Variants in ESR1 observed in about 807,000 individuals in gnomAD.
ESR1 encodes the protein estrogen receptor.
A neutral mutation model predicts 52.7 loss-of-function variants in ESR1; 12 were observed. The observed-to-expected ratio is 0.23, with a 90% CI of 0.15 to 0.37. The LOEUF is 0.37. Ranked by LOEUF, ESR1 falls within the 10% of genes least tolerant of loss-of-function variation. ESR1 has a pLI of 1.00. For synonymous variants in ESR1, 305 were observed against 316.8 expected (o/e 0.96, Z 0.39); for missense variants, 584 against 779.7 (o/e 0.75, Z 2.99).
At chr6:151,769,895 G>A (rs1278760803) in intron 2 of ESR1, among the ~76,000 whole-genome samples, 1 of 152,142 alleles carries the variant, frequency 6.6e-6, no homozygotes, top group African/African-American at 2.4e-5. Context: ...AGGCATGGTG[G>A]CACGCGTCTG....
chr6:151,891,229 T>C (rs1026715932), intron 3 of ESR1, among the ~76,000 whole-genome samples: 2 of 152,240 alleles, frequency 1.3e-5, no homozygotes, highest in African/African-American at 4.8e-5. Context: ...TTTATGTACC[T>C]TTTCAGGAAT....
Position 152,125,266 on chromosome 6 carries a change from G to C in ESR1, c.851G>C (p.Gly284Ala), listed in dbSNP as rs767099068. The change falls in exon 7 of 7, where the codon GGT becomes GCT. Residue 284 changes from glycine to alanine, a missense_variant and splice_region_variant. By Grantham distance (60) the Gly-to-Ala change is moderately conservative (BLOSUM62 0). Coordinates refer to the ESR1 transcript ENST00000427531. The stretch of plus-strand genomic sequence containing the variant: ...AATTCAGGTCGTATTCATTTCACAG[G>C]TATCTCACATGTAGAAGCAAAGAAG... The C allele has an allele frequency of 2.6e-4, 409 of 1,550,078 alleles. No individual in the cohort carries two copies. The highest frequency in any genetic ancestry group is 3.3e-4 in the Non-Finnish European group (375 of 1,146,788).
chr6:151,716,907 G>T (rs1347438477), intron 2 of ESR1, among the ~76,000 whole-genome samples: 3 of 152,176 alleles, frequency 2.0e-5, no homozygotes, highest in Admixed American at 6.5e-5. Flanking sequence ...TAGCTAGTTC[G>T]GTGTCTGACC....
chr6:151,938,155 C>T (rs1754989769), intron 3 of ESR1, among the ~76,000 whole-genome samples: 1 of 152,096 alleles, frequency 6.6e-6, no homozygotes, highest in Non-Finnish European at 1.5e-5. Flanking sequence ...TCTAATAATA[C>T]ATGAACGTAG....
At chr6:152,110,861 T>C (rs2051124276) in intron 6 of ESR1, among the ~76,000 whole-genome samples, 2 of 152,112 alleles carry the variant, frequency 1.3e-5, no homozygotes, top group Non-Finnish European at 2.9e-5. Flanking sequence ...GTTGTCTTTC[T>C]GGTGGGCAGC....
chr6:151,912,689 A>G (rs1311347993), intron 3 of ESR1, among the ~76,000 whole-genome samples: 3 of 152,222 alleles, frequency 2.0e-5, no homozygotes, highest in Non-Finnish European at 4.4e-5. Context: ...AGAGCGGGAG[A>G]ATATCGACCT....
chr6:152,048,149 C>T (rs2982736), intron 5 of ESR1, among the ~76,000 whole-genome samples: 67,202 of 150,984 alleles, frequency 0.45, 17,232 homozygotes, highest in African/African-American at 0.7. Flanking sequence ...GGCAGGTGGA[C>T]CACGAGGTCA....
At chr6:152,015,112 A>G (rs554462914) in intron 5 of ESR1, among the ~76,000 whole-genome samples, 15 of 152,182 alleles carry the variant, frequency 9.9e-5, no homozygotes, top group African/African-American at 3.6e-4. Flanking sequence ...ATCATGAATC[A>G]CTATTACAAG....
intron 2 of ESR1, among the ~76,000 whole-genome samples, chr6:151,748,414 G>T (rs1330433666): frequency 6.6e-6 from 1 of 152,118 alleles, no homozygotes; most frequent in Non-Finnish European, 1.5e-5. Context: ...AGAACAGGTT[G>T]ACCTGCCTCA....
intron 6 of ESR1, among the ~76,000 whole-genome samples, chr6:152,064,739 A>G (rs999002818): frequency 2.6e-5 from 4 of 152,152 alleles, no homozygotes; most frequent in Non-Finnish European, 4.4e-5. Flanking sequence ...CTCACAGTCT[A>G]TTTAGCCTGT....
At chr6:151,982,130 T>C (rs545409470) in intron 4 of ESR1, among the ~76,000 whole-genome samples, 26 of 152,322 alleles carry the variant, frequency 1.7e-4, no homozygotes, top group Admixed American at 1.7e-3. Context: ...GGTGAAGATA[T>C]AAAGATGATT....
intron 4 of ESR1, among the ~76,000 whole-genome samples, chr6:151,995,617 A>G (rs568221777): frequency 2.0e-4 from 30 of 152,308 alleles, no homozygotes; most frequent in African/African-American, 6.7e-4. Flanking sequence ...TTTTCTAGTT[A>G]GACTTTTTTG....
At chr6:151,769,537 T>C (rs1453137723) in intron 2 of ESR1, among the ~76,000 whole-genome samples, 1 of 152,156 alleles carries the variant, frequency 6.6e-6, no homozygotes, top group African/African-American at 2.4e-5. Context: ...GCATTTGTAA[T>C]TGACAGAGTT....
At chr6:151,737,362 T>C (rs948808215) in intron 2 of ESR1, among the ~76,000 whole-genome samples, 1 of 152,194 alleles carries the variant, frequency 6.6e-6, no homozygotes, top group Admixed American at 6.5e-5. Flanking sequence ...AGAAACATTG[T>C]TTCAAGTCCC....
intron 2 of ESR1, among the ~76,000 whole-genome samples, chr6:151,877,680 A>C (rs752988132): frequency 2.6e-5 from 4 of 152,220 alleles, no homozygotes; most frequent in Non-Finnish European, 5.9e-5. Flanking sequence ...GACCCAATTC[A>C]GTTCTCCTGT....
At chr6:151,696,488 A>C (rs1445178671) in intron 1 of ESR1, among the ~76,000 whole-genome samples, 2 of 148,156 alleles carry the variant, frequency 1.3e-5, no homozygotes, top group African/African-American at 5.0e-5. Flanking sequence ...ATAAATAAAT[A>C]AATAAATAAA....
rs182711663 is a variant in ESR1, at chr6:151,874,611, T to G, written c.644-6044T>G. On this transcript the variant is annotated intron_variant, in intron 2 of 7. Transcript: ENST00000206249. ...TATTTGTAGTATCTTAATATTCAAC[T>G]GTTAAGCCAGGAGACGAGTACTCTG... 5.3e-3 allele frequency among the ~76,000 whole-genome samples: 802 copies of G among 152,318 alleles called. 7 individuals carry two copies. Among genetic ancestry groups the G allele is most frequent in the African/African-American group, 0.018 (753 of 41,570 alleles).
intron 2 of ESR1, 60 bp downstream of exon 2, chr6:151,842,847 A>C: frequency 6.9e-7 from 1 of 1,457,794 alleles, no homozygotes; most frequent in Admixed American, 1.7e-5. Context: ...CTAAGAGCCA[A>C]AGCGACTGAG....
chr6:151,720,042 TAAAG>T (rs1401027211), intron 2 of ESR1, among the ~76,000 whole-genome samples: 1 of 152,224 alleles, frequency 6.6e-6, no homozygotes, highest in East Asian at 1.9e-4. Flanking sequence ...TTGATAATAA[TAAAG>T]AAAGGGCAGA....
Sources: gnomAD v4.1 joint callset for allele counts (sites outside exome capture counted in the v4.1 genomes callset) on GRCh38, gnomAD v4.1.1 for gene constraint, MANE v1.5 for transcripts, NCBI Gene and HGNC (gene_info 2026-07-23, HGNC 2026-07-21) for gene names.